Variants in CRTC1 observed in about 807,000 individuals in gnomAD.
The protein encoded by CRTC1 is CREB-regulated transcription coactivator 1.
CRTC1 carries 18 observed loss-of-function variants against 66.1 expected under a neutral mutation model. The ratio of observed to expected loss-of-function variants is 0.27; its 90% CI spans 0.19 to 0.40. The LOEUF (loss-of-function observed/expected upper bound fraction) is 0.40. CRTC1 is among the 10% of genes least tolerant of loss of function. CRTC1 has a pLI of 1.00. For missense variants in CRTC1, 669 were observed against 887.9 expected (o/e 0.75, Z 3.13); for synonymous variants, 416 against 398.8 (o/e 1.04, Z -0.51).
intron 1 of CRTC1, among the ~76,000 whole-genome samples, chr19:18,731,783 C>G (rs73537978): frequency 6.6e-6 from 1 of 152,186 alleles, no homozygotes; most frequent in South Asian, 2.1e-4. Context: ...GCTTCCTGCT[C>G]GTCACACCTC....
chr19:18,727,750 C>G (rs2053794831), intron 1 of CRTC1, among the ~76,000 whole-genome samples: 1 of 151,876 alleles, frequency 6.6e-6, no homozygotes, highest in African/African-American at 2.4e-5. Context: ...GAGATGGAGT[C>G]TCACTATGTT....
intron 1 of CRTC1, among the ~76,000 whole-genome samples, chr19:18,714,118 A>G (rs2053453010): frequency 6.6e-6 from 1 of 152,138 alleles, no homozygotes; most frequent in African/African-American, 2.4e-5. Context: ...TGGGTGAGCC[A>G]TGCACACCCA....
chr19:18,776,427 C>A (rs1180572189), intron 13 of CRTC1, among the ~76,000 whole-genome samples: 1 of 152,212 alleles, frequency 6.6e-6, no homozygotes, highest in Non-Finnish European at 1.5e-5. Flanking sequence ...GTCAGGGCTG[C>A]TGGATTGAGG....
rs1601045059 is a variant in CRTC1, at chr19:18,781,651, C to T, written c.*4269C>T. On this transcript the variant is annotated 3_prime_UTR_variant, in exon 14 of 14. Coordinates refer to ENST00000321949, the MANE Select transcript of CRTC1 (RefSeq NM_015321.3). ...ATGGGTGGGGCAGGAGTGAGTGCCTCGTGATCCCAGCCTCAGTTTCTCTCT... is the reference window on the plus strand; with the variant it reads ...ATGGGTGGGGCAGGAGTGAGTGCCTTGTGATCCCAGCCTCAGTTTCTCTCT... The T allele has an allele frequency of 1.7e-5, 4 of 230,734 alleles. No individual in the cohort carries two copies. The East Asian group carries it at 2.5e-4, about 14-fold the overall frequency. 14.3% of individuals were successfully genotyped at this position (230,734 alleles called of 1,614,324 possible). A position where few individuals can be genotyped will look rare whatever the true frequency, so the allele number is the denominator to read the frequency against.
intron 1 of CRTC1, among the ~76,000 whole-genome samples, chr19:18,689,825 A>G (rs1463316819): frequency 6.6e-6 from 1 of 151,124 alleles, no homozygotes; most frequent in Non-Finnish European, 1.5e-5. Flanking sequence ...GGGTGGATGT[A>G]TATCTTCATT....
At chr19:18,770,583 TGTGGGTGTGCACAAGTGG>T (rs2054839398) in intron 10 of CRTC1, among the ~76,000 whole-genome samples, 1 of 151,924 alleles carries the variant, frequency 6.6e-6, no homozygotes, top group South Asian at 2.1e-4. Context: ...GTGTGTGGGT[TGTGGGTGTGCACAAGTGG>T]GTGGGTGCGG....
At chr19:18,702,431 G>T (rs2053165761) in intron 1 of CRTC1, among the ~76,000 whole-genome samples, 1 of 151,846 alleles carries the variant, frequency 6.6e-6, no homozygotes, top group South Asian at 2.1e-4. Context: ...TCCCTGTGTT[G>T]CCTACGCTGG....
At chr19:18,695,833 C>G (rs2052973385) in intron 1 of CRTC1, among the ~76,000 whole-genome samples, 1 of 152,092 alleles carries the variant, frequency 6.6e-6, no homozygotes, top group Non-Finnish European at 1.5e-5. Flanking sequence ...TCACTGCGCT[C>G]CAGCCTGGGC....
At chr19:18,725,688 C>T (rs1033796407) in intron 1 of CRTC1, among the ~76,000 whole-genome samples, 18 of 152,358 alleles carry the variant, frequency 1.2e-4, no homozygotes, top group African/African-American at 4.3e-4. Flanking sequence ...CCTCCCACCT[C>T]TCTGGCCTGT....
rs1426027486 is a variant in CRTC1, at chr19:18,741,913, C to T, written c.127-997C>T. Among the ~76,000 whole-genome samples the T allele has an allele frequency of 1.3e-5, 2 of 152,074 alleles. No individual in the cohort carries two copies. Among genetic ancestry groups the T allele is most frequent in the East Asian group, 1.9e-4 (1 of 5,190 alleles). On this transcript the variant is annotated intron_variant, in intron 1 of 13. Coordinates refer to ENST00000321949, the MANE Select transcript of CRTC1 (RefSeq NM_015321.3). This position sits in a 1 kb window ranked among gnomAD's most constrained non-coding sequence, Gnocchi z 4.2. ...GGGCGGTGGGGCAGCCAGCTCTCCA[C>T]GCACTGCCAGGAGCTGTTTGTAAGG...
At chr19:18,772,716 G>A (rs1175693738) in intron 11 of CRTC1, among the ~76,000 whole-genome samples, 2 of 152,162 alleles carry the variant, frequency 1.3e-5, no homozygotes, top group African/African-American at 2.4e-5. Context: ...CTGTAGCCCC[G>A]TGTTCTGGAG....
In CRTC1 at chr19:18,760,321, A is replaced by C; in HGVS notation, c.886+93A>C. The C allele has an allele frequency of 5.6e-6, 6 of 1,068,010 alleles. No individual in the cohort carries two copies. The highest frequency in any genetic ancestry group is 8.2e-6 in the Non-Finnish European group (6 of 734,130). 66.2% of individuals were successfully genotyped at this position (1,068,010 alleles called of 1,614,324 possible). A position where few individuals can be genotyped will look rare whatever the true frequency, so the allele number is the denominator to read the frequency against. ...ATGACTTGGCAGAGTCCCGTTCCAAATACTAGGGCATGGGGGACAGGGCTG... is the reference window on the plus strand; with the variant it reads ...ATGACTTGGCAGAGTCCCGTTCCAACTACTAGGGCATGGGGGACAGGGCTG... On this transcript the variant is annotated intron_variant, in intron 8 of 13. Coordinates refer to ENST00000321949, the MANE Select transcript of CRTC1 (RefSeq NM_015321.3). The surrounding 1 kb of genome is among the most constrained non-coding windows in gnomAD (Gnocchi z 6.2).
At chr19:18,725,165 C>A (rs1028180896) in intron 1 of CRTC1, among the ~76,000 whole-genome samples, 1 of 152,158 alleles carries the variant, frequency 6.6e-6, no homozygotes, top group Non-Finnish European at 1.5e-5. Context: ...CTGTGCGAGA[C>A]CCCCTTGCTC....
chr19:18,758,465 C>T (rs560174933), intron 6 of CRTC1, among the ~76,000 whole-genome samples: 1 of 152,216 alleles, frequency 6.6e-6, no homozygotes, highest in South Asian at 2.1e-4. Context: ...TATTGTGGGC[C>T]CTTTCCATAC....
chr19:18,725,732 TTCTG>T (rs1207491426), intron 1 of CRTC1, among the ~76,000 whole-genome samples: 1 of 152,180 alleles, frequency 6.6e-6, no homozygotes, highest in Non-Finnish European at 1.5e-5. Flanking sequence ...CTGAGTCTAA[TTCTG>T]TCTTTCTCGC....
rs1378487942 is a variant in CRTC1 at position 18,683,832 on chromosome 19, A to G, written c.126+4A>G. 3 of 1,247,292 alleles carry G rather than the reference A, an allele frequency of 2.4e-6. No homozygotes were observed. The highest frequency in any genetic ancestry group is 5.7e-5 in the Admixed American group (2 of 35,258). 77.3% of individuals were successfully genotyped at this position (1,247,292 alleles called of 1,614,324 possible). A position where few individuals can be genotyped will look rare whatever the true frequency, so the allele number is the denominator to read the frequency against. On this transcript the variant is annotated splice_donor_region_variant and intron_variant, in intron 1 of 13. Transcript: ENST00000321949. ...GAGCCTGACGCGGGCCGCGCGGGTA[A>G]GGGGGCTGCCCGCGCCGACCCTTCA...
intron 1 of CRTC1, among the ~76,000 whole-genome samples, chr19:18,707,877 C>G (rs1179414253): frequency 6.6e-6 from 1 of 152,258 alleles, no homozygotes; most frequent in Non-Finnish European, 1.5e-5. Flanking sequence ...CTCCTCCCAG[C>G]TATGTGACCC....
At chr19:18,726,581 T>G (rs1279386916) in intron 1 of CRTC1, among the ~76,000 whole-genome samples, 1 of 152,204 alleles carries the variant, frequency 6.6e-6, no homozygotes, top group East Asian at 1.9e-4. Flanking sequence ...TAAGTCATGA[T>G]GAGGTCATTA....
intron 1 of CRTC1, among the ~76,000 whole-genome samples, chr19:18,693,691 G>A (rs1481175924): frequency 2.7e-5 from 4 of 150,566 alleles, no homozygotes; most frequent in Admixed American, 6.6e-5. Flanking sequence ...CCCCATGTTC[G>A]CCAGGATGGT....
Sources: gnomAD v4.1 joint callset for allele counts (sites outside exome capture counted in the v4.1 genomes callset) on GRCh38, gnomAD v4.1.1 for gene constraint, Gnocchi (gnomAD v3.1) non-coding constraint, MANE v1.5 for transcripts, NCBI Gene and HGNC (gene_info 2026-07-23, HGNC 2026-07-21) for gene names.